The following PLPPR4 variants were observed in gnomAD, a reference collection of about 807,000 sequenced individuals.
The protein encoded by PLPPR4 is phospholipid phosphatase-related protein type 4.
Under a neutral mutation model 56.6 loss-of-function variants are expected in PLPPR4, and 24 were observed. The ratio of observed to expected loss-of-function variants is 0.42; its 90% confidence interval spans 0.31 to 0.60. The LOEUF is 0.60. PLPPR4 is among the 20% of genes least tolerant of loss of function. PLPPR4 has a pLI of 0.13. For synonymous variants in PLPPR4, 326 were observed against 328.1 expected (o/e 0.99, Z 0.07); for missense variants, 654 against 885.8 (o/e 0.74, Z 3.32).
At chr1:99,265,240 T>C (rs1425367329) in intron 1 of PLPPR4, among the ~76,000 whole-genome samples, 2 of 151,490 alleles carry the variant, frequency 1.3e-5, no homozygotes, top group Non-Finnish European at 2.9e-5. Flanking sequence ...ATCATCAATG[T>C]ACTGGCCTCT....
intron 1 of PLPPR4, among the ~76,000 whole-genome samples, chr1:99,264,951 C>G (rs1658853272): frequency 6.6e-6 from 1 of 152,136 alleles, no homozygotes; most frequent in Admixed American, 6.5e-5. Context: ...GTTCCTTGGC[C>G]CTCCTGTAGT....
At chr1:99,273,555 A>C (rs1321746904) in intron 1 of PLPPR4, among the ~76,000 whole-genome samples, 3 of 152,132 alleles carry the variant, frequency 2.0e-5, no homozygotes, top group African/African-American at 7.2e-5. Context: ...TCATGGATAG[A>C]GTCCAAAAGA....
chr1:99,297,940 T>G (rs1241568380), intron 3 of PLPPR4, among the ~76,000 whole-genome samples: 1 of 152,126 alleles, frequency 6.6e-6, no homozygotes, highest in Non-Finnish European at 1.5e-5. Flanking sequence ...AGAGCCTGCA[T>G]CAGCGACAGG....
intron 1 of PLPPR4, among the ~76,000 whole-genome samples, chr1:99,286,620 G>T (rs996317299): frequency 2.6e-5 from 4 of 152,136 alleles, no homozygotes; most frequent in Non-Finnish European, 5.9e-5. Context: ...ATTAAATGAT[G>T]TAAAGAAGCA....
chr1:99,286,145 A>G (rs184787763), intron 1 of PLPPR4, among the ~76,000 whole-genome samples: 9 of 152,204 alleles, frequency 5.9e-5, no homozygotes, highest in Non-Finnish European at 1.2e-4. Flanking sequence ...TCAGATAAAC[A>G]ATGAATAACT....
At chr1:99,286,100 G>C (rs1020797794) in intron 1 of PLPPR4, among the ~76,000 whole-genome samples, 1 of 152,184 alleles carries the variant, frequency 6.6e-6, no homozygotes, top group African/African-American at 2.4e-5. Flanking sequence ...AGTTTAGGGA[G>C]ACCAAATAGA....
chr1:99,270,406 T>C (rs1200891049), intron 1 of PLPPR4, among the ~76,000 whole-genome samples: 2 of 152,234 alleles, frequency 1.3e-5, no homozygotes, highest in African/African-American at 4.8e-5. Flanking sequence ...GCTTAATTAC[T>C]ATAAGGTCAG....
chr1:99,299,277 C>A, intron 4 of PLPPR4, 47 bp downstream of exon 4: 1 of 1,392,878 alleles, frequency 7.2e-7, no homozygotes, highest in Non-Finnish European at 1.0e-6. Context: ...TTTCATTATT[C>A]AATTGCTGCT....
rs539205877 is a variant in PLPPR4, at chr1:99,292,612, C to T, written c.265-4126C>T. On this transcript the variant is annotated intron_variant, in intron 2 of 6. Coordinates refer to ENST00000370185, the MANE Select transcript of PLPPR4 (RefSeq NM_014839.5). ...TTCAGGATCCCTGATTTCCCTATAT[C>T]ACTTCAGGATACTCCAAGATGACAG... is the stretch of plus-strand genomic sequence containing the variant. Among the ~76,000 whole-genome samples, 5 of 152,288 alleles carry T rather than the reference C, an allele frequency of 3.3e-5. No homozygotes were observed. The South Asian group carries it at 8.3e-4, about 25-fold the overall frequency.
Position 99,306,134 on chromosome 1 carries a change from A to G in PLPPR4, c.1272A>G (p.Ser424=). 6.2e-7 allele frequency: 1 copy of G among 1,614,142 alleles called. No homozygotes were observed. Among genetic ancestry groups the G allele is most frequent in the Non-Finnish European group, 8.5e-7 (1 of 1,180,020 alleles). The change falls in exon 7 of 7, where the codon TCA becomes TCG. Residue 424 remains serine (S), a synonymous_variant. Transcript: ENST00000370185. This position sits in a 1 kb window ranked among gnomAD's most constrained non-coding sequence, Gnocchi z 4.0. ...TTATAGAGCCTGAGCCTGGGCAGTC[A>G]CCACCCAGATCCATAGAAATGAGGT... is the stretch of plus-strand genomic sequence containing the variant. ...LQVIEPEPGQ[S]PPRSIEMRSS...
chr1:99,279,253 T>C (rs188510010), intron 1 of PLPPR4, among the ~76,000 whole-genome samples: 1 of 152,234 alleles, frequency 6.6e-6, no homozygotes, highest in African/African-American at 2.4e-5. Flanking sequence ...ATCTAGACAT[T>C]CATCAGGATA....
chr1:99,264,321 G>A, upstream of PLPPR4: 2 of 738,600 alleles, frequency 2.7e-6, no homozygotes, highest in South Asian at 4.0e-5. Flanking sequence ...CTTGGAGGAG[G>A]GAGCTGGACG....
chr1:99,269,670 A>G (rs959514018), intron 1 of PLPPR4, among the ~76,000 whole-genome samples: 1 of 152,240 alleles, frequency 6.6e-6, no homozygotes, highest in African/African-American at 2.4e-5. Flanking sequence ...TTACTTAAAC[A>G]TTCTGCTATA....
Position 99,287,952 on chromosome 1 carries a change from C to A in PLPPR4, c.79-13C>A. 1 of 1,606,272 alleles carries A rather than the reference C, an allele frequency of 6.2e-7. No individual in the cohort carries two copies. Among genetic ancestry groups the A allele is most frequent in the South Asian group, 1.1e-5 (1 of 90,212 alleles). On this transcript the variant is annotated splice_polypyrimidine_tract_variant and intron_variant, in intron 1 of 6. Coordinates refer to ENST00000370185, the MANE Select transcript of PLPPR4 (RefSeq NM_014839.5). Reference sequence around the variant, plus strand: ...GGTAGAATAAATTGATCTTCTTTGTCCTTCATTCTTAGTTGCCTATATTGG... The same window carrying A: ...GGTAGAATAAATTGATCTTCTTTGTACTTCATTCTTAGTTGCCTATATTGG...
rs150483469 is a variant in PLPPR4 at position 99,296,864 on chromosome 1, G to A, written c.391G>A (p.Val131Ile). Residue 131 changes from valine (V) to isoleucine (I), a missense_variant, in exon 3 of 7, where the codon GTT becomes ATT. Val to Ile is a conservative substitution (Grantham distance 29). This residue lies in a region of PLPPR4 where 186 missense variants were observed against 331.4 expected (regional missense o/e 0.56). Coordinates refer to ENST00000370185, the MANE Select transcript of PLPPR4 (RefSeq NM_014839.5). ...CTTCCTCAGACGAGCTGTCAGATTC[G>A]TTGGTGGGTGTGGGGAACCACAAAG... is the stretch of plus-strand genomic sequence containing the variant. ...NSFLRRAVRF[V>I]GVHVFGLCST... The A allele has an allele frequency of 4.0e-4, 625 of 1,573,654 alleles. 8 individuals carry two copies. The East Asian group carries it at 8.5e-3, about 21-fold the overall frequency.
At chr1:99,269,687 A>G (rs1659001034) in intron 1 of PLPPR4, among the ~76,000 whole-genome samples, 1 of 152,190 alleles carries the variant, frequency 6.6e-6, no homozygotes, top group Non-Finnish European at 1.5e-5. Flanking sequence ...TATATGATAT[A>G]ACATTTTTAT....
At chr1:99,263,250 A>G (rs78826666), upstream of PLPPR4, among the ~76,000 whole-genome samples, 4,336 of 152,246 alleles carry the variant, frequency 0.028, 107 homozygotes, top group East Asian at 0.1. Flanking sequence ...GTAAGGGCAG[A>G]GAATTGGGTT....
upstream of PLPPR4, among the ~76,000 whole-genome samples, chr1:99,263,661 C>A (rs1170397332): frequency 6.6e-6 from 1 of 152,136 alleles, no homozygotes; most frequent in Non-Finnish European, 1.5e-5. Flanking sequence ...TTGAGACTAG[C>A]CATGTATACT....
At chr1:99,271,687 G>A (rs1659062116) in intron 1 of PLPPR4, among the ~76,000 whole-genome samples, 1 of 152,106 alleles carries the variant, frequency 6.6e-6, no homozygotes, top group South Asian at 2.1e-4. Context: ...AAGCACAAAT[G>A]GCACCCATGA....
Sources: gnomAD v4.1 joint callset for allele counts (sites outside exome capture counted in the v4.1 genomes callset) on GRCh38, gnomAD v4.1.1 for gene constraint, gnomAD v4.1.1 regional missense constraint, Gnocchi (gnomAD v3.1) non-coding constraint, MANE v1.5 for transcripts, NCBI Gene and HGNC (gene_info 2026-07-23, HGNC 2026-07-21) for gene names.